CCDC40: variants seen among roughly 807,000 people sequenced by gnomAD.
CCDC40 encodes the protein coiled-coil domain-containing protein 40.
In CCDC40, 104 loss-of-function variants were observed where a neutral mutation model predicts 124.5. That is an observed-to-expected ratio of 0.84 (90% confidence interval 0.71 to 0.98). The LOEUF is 0.98. Ranked by LOEUF, CCDC40 falls within the 50% of genes least tolerant of loss-of-function variation. The pLI, the probability that CCDC40 is intolerant of heterozygous loss-of-function variation, is 0.00. For missense variants in CCDC40, 1,463 were observed against 1,503.9 expected, an observed-to-expected ratio of 0.97 and a Z score of 0.45; for synonymous variants, 580 against 602.9, an observed-to-expected ratio of 0.96 and a Z score of 0.56.
Position 80,086,427 on chromosome 17 carries a change from G to A in CCDC40, c.2449+211G>A, listed in dbSNP as rs73436179. 51,554 of 555,242 alleles carry A rather than the reference G, an allele frequency of 0.093. 2,971 individuals are homozygous for A. The highest frequency in any genetic ancestry group is 0.2 in the African/African-American group (10,413 of 53,010). The allele number at this position is 555,242 out of a possible 1,614,324, so 34.4% of individuals were successfully genotyped here. A position where few individuals can be genotyped will look rare whatever the true frequency, so the allele number is the denominator to read the frequency against. On this transcript the variant is annotated intron_variant, in intron 14 of 19. Transcript: ENST00000397545. This position sits in a 1 kb window ranked among gnomAD's most constrained non-coding sequence, Gnocchi z 5.5. ...TTCGCAGTCACAGCGGGAGGGTTGA[G>A]AAATGTCACGAAATGGCTCCAAGCT... is the stretch of plus-strand genomic sequence containing the variant.
Position 80,087,992 on chromosome 17 carries a change from C to T in CCDC40, c.2620-19C>T, listed in dbSNP as rs1329471062. The T allele has an allele frequency of 7.0e-6, 11 of 1,575,882 alleles. No individual in the cohort carries two copies. The highest frequency in any genetic ancestry group is 5.0e-5 in the Admixed American group (3 of 59,956). ...CCCATGGCCCTCCCCACAGCTGTCC[C>T]GCCCCCTCCCCCATGCAGGCCTCTG... On this transcript the variant is annotated intron_variant, in intron 15 of 19. Transcript: ENST00000397545. This position sits in a 1 kb window ranked among gnomAD's most constrained non-coding sequence, Gnocchi z 4.5.
At chr17:80,059,598 C>G (rs866655553) in intron 9 of CCDC40, among the ~76,000 whole-genome samples, 1 of 149,464 alleles carries the variant, frequency 6.7e-6, no homozygotes, top group African/African-American at 2.5e-5. Context: ...CTCGCTCTGT[C>G]GCCCAGGCTG....
At position 80,066,450 on chromosome 17, in the gene CCDC40, AT is replaced by A. The variant is rs1247353262; in HGVS notation, c.1562+845del. 4.2e-6 allele frequency: 2 copies of A among 475,934 alleles called. No homozygotes were observed. Among genetic ancestry groups the A allele is most frequent in the African/African-American group, 4.0e-5 (2 of 50,492 alleles). 29.5% of individuals were successfully genotyped at this position (475,934 alleles called of 1,614,324 possible). The stretch of plus-strand genomic sequence containing the variant: ...AGACCAAAACATTTTCAAATGAATA[AT>A]ATTGGATTAACCATACTCATTTCTG... On this transcript the variant is annotated intron_variant, in intron 10 of 19. Coordinates refer to ENST00000397545, the MANE Select transcript of CCDC40 (RefSeq NM_017950.4). The surrounding 1 kb of genome is among the most constrained non-coding windows in gnomAD (Gnocchi z 4.4).
intron 10 of CCDC40, among the ~76,000 whole-genome samples, chr17:80,068,985 A>T (rs905690832): frequency 6.6e-6 from 1 of 152,190 alleles, no homozygotes; most frequent in African/African-American, 2.4e-5. Flanking sequence ...CCCGAAGTTC[A>T]TGGCCTGTCC....
At chr17:80,057,718 T>C (rs2143645360) in intron 7 of CCDC40, among the ~76,000 whole-genome samples, 1 of 151,758 alleles carries the variant, frequency 6.6e-6, no homozygotes, top group Admixed American at 6.6e-5. Context: ...CTACTAAAAA[T>C]ACAAAAAATT....
intron 3 of CCDC40, among the ~76,000 whole-genome samples, chr17:80,047,066 G>A (rs566601612): frequency 2.6e-5 from 4 of 152,252 alleles, no homozygotes; most frequent in Admixed American, 6.5e-5. Flanking sequence ...GGCTGGTCTC[G>A]AACTCCTGGC....
intron 12 of CCDC40, among the ~76,000 whole-genome samples, chr17:80,083,472 A>G (rs9911126): frequency 0.81 from 122,889 of 152,114 alleles, 50,432 homozygotes; most frequent in African/African-American, 0.95. Context: ...TGGGGTAGGC[A>G]GGAGCCACAG....
chr17:80,088,026 A>G lies in CCDC40; in HGVS notation c.2635A>G (p.Thr879Ala), dbSNP rs1474797928. The change falls in exon 16 of 20, where the codon ACC becomes GCC. Residue 879 changes from threonine to alanine, a missense_variant. Coordinates refer to ENST00000397545, the MANE Select transcript of CCDC40 (RefSeq NM_017950.4). ...VRSLKASERETIKMQDKLNQL... is the reference protein window; with the variant it reads ...VRSLKASEREAIKMQDKLNQL... ...CCCCATGCAGGCCTCTGAGAGGGAG[A>G]CCATCAAGATGCAGGACAAGCTGAA... 6.2e-7 allele frequency: 1 copy of G among 1,610,248 alleles called. No homozygotes were observed. Among genetic ancestry groups the G allele is most frequent in the Non-Finnish European group, 8.5e-7 (1 of 1,177,392 alleles).
intron 17 of CCDC40, chr17:80,090,963 C>A: frequency 2.7e-6 from 1 of 363,854 alleles, no homozygotes; most frequent in Non-Finnish European, 4.1e-6. Flanking sequence ...CTCTCCTCCA[C>A]AGAGTGGGGG....
chr17:80,087,247 T>G lies in CCDC40; in HGVS notation c.2450-360T>G. 1 of 372,230 alleles carries G rather than the reference T, an allele frequency of 2.7e-6. No homozygotes were observed. The highest frequency in any genetic ancestry group is 5.2e-6 in the Non-Finnish European group (1 of 193,204). 23.1% of individuals were successfully genotyped at this position (372,230 alleles called of 1,614,324 possible). A position where few individuals can be genotyped will look rare whatever the true frequency, so the allele number is the denominator to read the frequency against. On this transcript the variant is annotated intron_variant, in intron 14 of 19. Transcript: ENST00000397545. This position sits in a 1 kb window ranked among gnomAD's most constrained non-coding sequence, Gnocchi z 4.5. ...CTCCCTCTCCTGGAGACTCACAGTG[T>G]CTGAGCATCAACCAGGTCCCGGTGC...
chr17:80,083,301 C>T (rs2038503320), intron 12 of CCDC40, among the ~76,000 whole-genome samples: 1 of 152,182 alleles, frequency 6.6e-6, no homozygotes, highest in African/African-American at 2.4e-5. Context: ...GACATTGCCA[C>T]ACAACTCCAG....
chr17:80,080,015 C>G (rs1180581614), intron 10 of CCDC40, among the ~76,000 whole-genome samples: 1 of 151,806 alleles, frequency 6.6e-6, no homozygotes, highest in African/African-American at 2.4e-5. Flanking sequence ...CACTTGAGGT[C>G]AGGAGTTCAA....
intron 5 of CCDC40, 35 bp downstream of exon 5, chr17:80,048,796 C>T: frequency 6.4e-7 from 1 of 1,561,634 alleles, no homozygotes; most frequent in Non-Finnish European, 8.7e-7. Context: ...CTTTTGCCTA[C>T]ATGGATGGCG....
chr17:80,049,959 C>T lies in CCDC40; in HGVS notation c.909C>T (p.Ile303=), dbSNP rs1598487820. 41 of 1,614,098 alleles carry T rather than the reference C, an allele frequency of 2.5e-5. No homozygotes were observed. Among genetic ancestry groups the T allele is most frequent in the Non-Finnish European group, 3.4e-5 (40 of 1,180,016 alleles). The part of the protein sequence containing the change: ...AALKNYLNRQ[I]EKLKLDLQEL... The stretch of plus-strand genomic sequence containing the variant: ...TGAAGAACTACCTGAACCGACAGAT[C>T]GAAAAGTTGAAGCTGGACCTCCAAG... Residue 303 remains isoleucine, a synonymous_variant, in exon 6 of 20, where the codon ATC becomes ATT. Coordinates refer to ENST00000397545, the MANE Select transcript of CCDC40 (RefSeq NM_017950.4).
chr17:80,047,966 G>A (rs555934017), intron 4 of CCDC40, among the ~76,000 whole-genome samples: 138 of 152,284 alleles, frequency 9.1e-4, no homozygotes, highest in African/African-American at 3.1e-3. Context: ...AAAACAGCAC[G>A]TGTCTAAATT....
chr17:80,062,258 G>C (rs2037919744), intron 9 of CCDC40, among the ~76,000 whole-genome samples: 1 of 152,068 alleles, frequency 6.6e-6, no homozygotes. Flanking sequence ...ACACCAAAAA[G>C]AGCTCTACTG....
At position 80,086,281 on chromosome 17, in the gene CCDC40, C is replaced by T. The variant is rs1358841570; in HGVS notation, c.2449+65C>T. 3.6e-6 allele frequency: 5 copies of T among 1,384,164 alleles called. No homozygotes were observed. Among genetic ancestry groups the T allele is most frequent in the Non-Finnish European group, 5.0e-6 (5 of 996,286 alleles). The allele number at this position is 1,384,164 out of a possible 1,614,324, so 85.7% of individuals were successfully genotyped here. On this transcript the variant is annotated intron_variant, in intron 14 of 19. Coordinates refer to ENST00000397545, the MANE Select transcript of CCDC40 (RefSeq NM_017950.4). This position sits in a 1 kb window ranked among gnomAD's most constrained non-coding sequence, Gnocchi z 5.5. ...CGAGCTCTGGGACGTGGGCACCTCCCAGGGGAGGGGCACTCAGTGGGGCAC... is the reference window on the plus strand; with the variant it reads ...CGAGCTCTGGGACGTGGGCACCTCCTAGGGGAGGGGCACTCAGTGGGGCAC...
In CCDC40 at chr17:80,100,001, G is replaced by T. The variant is rs944073037; in HGVS notation, c.*226G>T. 1.0e-5 allele frequency: 6 copies of T among 573,360 alleles called. No homozygotes were observed. In the African/African-American group the frequency reaches 1.1e-4, roughly 11 times the overall value. 35.5% of individuals were successfully genotyped at this position (573,360 alleles called of 1,614,324 possible). A position where few individuals can be genotyped will look rare whatever the true frequency, so the allele number is the denominator to read the frequency against. The stretch of plus-strand genomic sequence containing the variant: ...GTTTCCCATGGCATCCCATCGCAAA[G>T]ACAGAGCCTGTGACTGCAGACCCAC... On this transcript the variant is annotated 3_prime_UTR_variant, in exon 20 of 20. Coordinates refer to ENST00000397545, the MANE Select transcript of CCDC40 (RefSeq NM_017950.4).
At position 80,099,791 on chromosome 17, in the gene CCDC40, C is replaced by T. The variant is rs1037888190; in HGVS notation, c.*16C>T. 1 of 1,611,476 alleles carries T rather than the reference C, an allele frequency of 6.2e-7. No individual in the cohort carries two copies. The highest frequency in any genetic ancestry group is 8.5e-7 in the Non-Finnish European group (1 of 1,179,672). On this transcript the variant is annotated 3_prime_UTR_variant, in exon 20 of 20. Coordinates refer to ENST00000397545, the MANE Select transcript of CCDC40 (RefSeq NM_017950.4). ...GCCCTCCTAGGGAGCAGCCTGGACTCCGCCTTGCAAGGCCTCCAGGAAGAG... is the reference window on the plus strand; with the variant it reads ...GCCCTCCTAGGGAGCAGCCTGGACTTCGCCTTGCAAGGCCTCCAGGAAGAG...
Sources: allele counts gnomAD v4.1 joint callset (sites outside exome capture counted in the v4.1 genomes callset), GRCh38; gene constraint gnomAD v4.1.1; non-coding constraint Gnocchi (gnomAD v3.1); transcripts MANE v1.5; gene names NCBI Gene and HGNC (gene_info 2026-07-23, HGNC 2026-07-21).